Variants in ANKRD28 observed in about 807,000 individuals in gnomAD.
ANKRD28 encodes the protein ankyrin repeat domain 28.
ANKRD28 carries 44 observed loss-of-function variants against 126.5 expected under a neutral mutation model. The observed-to-expected ratio is 0.35, with a 90% CI of 0.27 to 0.45. The LOEUF is 0.45. Ranked by LOEUF, ANKRD28 falls within the 20% of genes least tolerant of loss-of-function variation. ANKRD28 has a pLI of 1.00. For synonymous variants in ANKRD28, 442 were observed against 468.5 expected, an observed-to-expected ratio of 0.94 and a Z score of 0.73; for missense variants, 1,110 against 1,316.6, an observed-to-expected ratio of 0.84 and a Z score of 2.43.
intron 1 of ANKRD28, among the ~76,000 whole-genome samples, chr3:15,828,506 T>C (rs1047808043): frequency 6.6e-6 from 1 of 152,128 alleles, no homozygotes; most frequent in Non-Finnish European, 1.5e-5. Flanking sequence ...ACCATGAAGA[T>C]AAACTGTGGG....
rs531401718 is a variant in ANKRD28 at position 15,743,314 on chromosome 3, C to T, written c.352-6081G>A. Among the ~76,000 whole-genome samples the T allele has an allele frequency of 1.1e-3, 170 of 152,016 alleles. 1 individual carries two copies. Among genetic ancestry groups the T allele is most frequent in the African/African-American group, 3.5e-3 (147 of 41,414 alleles). The stretch of plus-strand genomic sequence containing the variant: ...CTCCACTATTGTCCTATGACCCTGC[C>T]AAATCCCCCTCTGTGAGAAACACCC... On this transcript the variant is annotated intron_variant, in intron 4 of 27. Coordinates refer to ENST00000683139, the MANE Select transcript of ANKRD28 (RefSeq NM_001349278.2).
intron 2 of ANKRD28, among the ~76,000 whole-genome samples, chr3:15,789,887 A>C (rs981190053): frequency 2.6e-5 from 4 of 152,102 alleles, no homozygotes; most frequent in Admixed American, 6.6e-5. Flanking sequence ...CTAAGAAAAA[A>C]AGAGAAGAAG....
chr3:15,767,797 A>T lies in ANKRD28; in HGVS notation c.202-1485T>A, dbSNP rs944185073. ...TGGCTACTTGGGAGGCTGAGGCAGG[A>T]GAATAGCATGAACCCGGGAGGCAGA... On this transcript the variant is annotated intron_variant, in intron 2 of 27. Transcript: ENST00000683139. Among the ~76,000 whole-genome samples the T allele has an allele frequency of 6.2e-5, 9 of 145,052 alleles. No individual in the cohort carries two copies. In the East Asian group the frequency reaches 1.7e-3, roughly 27 times the overall value.
chr3:15,771,409 CA>C (rs35184017), intron 2 of ANKRD28, among the ~76,000 whole-genome samples: 11,786 of 115,004 alleles, frequency 0.1, 1,411 homozygotes, highest in African/African-American at 0.35. Context: ...AACTCTGTCT[CA>C]AAAAAAAAAA....
At chr3:15,859,580 C>A (rs1205440784) in exon 1 of ANKRD28, 4 of 228,738 alleles carry the variant, frequency 1.7e-5, no homozygotes, top group Non-Finnish European at 2.9e-5. Context: ...TCCCCGGCCG[C>A]CCGCCGCCGC....
At position 15,855,997 on chromosome 3, in the gene ANKRD28, T is replaced by C. The variant is rs527997989; in HGVS notation, c.27+3380A>G. Among the ~76,000 whole-genome samples, 65 of 152,328 alleles carry C rather than the reference T, an allele frequency of 4.3e-4. No individual in the cohort carries two copies. In the South Asian group the frequency reaches 0.012, roughly 29 times the overall value. ...GGCTGTTTTATCTAGAAGAAAACTG[T>C]ATTTAACGGGAATCTTATTTTGTAG... is the stretch of plus-strand genomic sequence containing the variant. On this transcript the variant is annotated intron_variant, in intron 1 of 27. Transcript: ENST00000399451.
chr3:15,814,710 T>C lies in ANKRD28; in HGVS notation c.28-19404A>G, dbSNP rs1012034894. Reference sequence around the variant, plus strand: ...ATTCAGTTACTTACTAATCAGCAATTATTTACCCATGGGGACGTGTTGATT... The same window carrying C: ...ATTCAGTTACTTACTAATCAGCAATCATTTACCCATGGGGACGTGTTGATT... On this transcript the variant is annotated intron_variant, in intron 1 of 27. Transcript: ENST00000399451. The surrounding 1 kb of genome is among the most constrained non-coding windows in gnomAD (Gnocchi z 4.7). Among the ~76,000 whole-genome samples, 15 of 152,112 alleles carry C rather than the reference T, an allele frequency of 9.9e-5. No homozygotes were observed. The highest frequency in any genetic ancestry group is 3.6e-4 in the African/African-American group (15 of 41,532).
chr3:15,704,816 T>C (rs1300160257), intron 14 of ANKRD28, among the ~76,000 whole-genome samples: 1 of 152,218 alleles, frequency 6.6e-6, no homozygotes, highest in Admixed American at 6.5e-5. Flanking sequence ...CTGTGGCTTA[T>C]ATTTTCCACT....
chr3:15,772,281 A>C (rs146642857), intron 2 of ANKRD28, among the ~76,000 whole-genome samples: 1 of 152,296 alleles, frequency 6.6e-6, no homozygotes, highest in Non-Finnish European at 1.5e-5. Flanking sequence ...AGATCAATAT[A>C]ATTAGTAATC....
intron 4 of ANKRD28, among the ~76,000 whole-genome samples, chr3:15,739,207 TTAAAG>T (rs755045080): frequency 4.6e-5 from 7 of 152,130 alleles, no homozygotes; most frequent in South Asian, 2.1e-4. Context: ...GATTAAGAGA[TTAAAG>T]TAAAGACAGG....
intron 2 of ANKRD28, among the ~76,000 whole-genome samples, chr3:15,767,824 C>T (rs1042664197): frequency 6.8e-6 from 1 of 146,666 alleles, no homozygotes; most frequent in African/African-American, 2.5e-5. Context: ...GGAGGCAGAG[C>T]TTGCAGTGAG....
chr3:15,741,545 A>G (rs2075473725), intron 4 of ANKRD28, among the ~76,000 whole-genome samples: 1 of 152,138 alleles, frequency 6.6e-6, no homozygotes, highest in Non-Finnish European at 1.5e-5. Context: ...TTAAAAGCTA[A>G]GTAAACATTC....
At position 15,812,584 on chromosome 3, in the gene ANKRD28, T is replaced by C. The variant is rs2060738872; in HGVS notation, c.28-17278A>G. 6.6e-6 allele frequency among the ~76,000 whole-genome samples: 1 copy of C among 152,252 alleles called. No individual in the cohort carries two copies. Among genetic ancestry groups the C allele is most frequent in the South Asian group, 2.1e-4 (1 of 4,834 alleles). ...AATTTTACTATATTAAGTTGGCATT[T>C]CGTTGTTGTTTTTCTGTCTTGCTTA... On this transcript the variant is annotated intron_variant, in intron 1 of 27. Transcript: ENST00000399451. The surrounding 1 kb of genome is among the most constrained non-coding windows in gnomAD (Gnocchi z 4.1).
chr3:15,751,243 A>G (rs1197804364), intron 4 of ANKRD28, among the ~76,000 whole-genome samples: 2 of 152,212 alleles, frequency 1.3e-5, no homozygotes, highest in African/African-American at 4.8e-5. Context: ...AACAATATAC[A>G]AGGCTGTACA....
At chr3:15,837,543 C>T (rs956187488) in intron 1 of ANKRD28, among the ~76,000 whole-genome samples, 4 of 151,934 alleles carry the variant, frequency 2.6e-5, no homozygotes, top group African/African-American at 9.7e-5. Flanking sequence ...CTGTAAATAA[C>T]CAATGGACTA....
chr3:15,835,128 AAAGAGC>A (rs2061294479), intron 1 of ANKRD28, among the ~76,000 whole-genome samples: 1 of 152,214 alleles, frequency 6.6e-6, no homozygotes, highest in Non-Finnish European at 1.5e-5. Flanking sequence ...AGCCTGGGCA[AAAGAGC>A]AAGACTCTGT....
At chr3:15,822,639 G>A (rs2060969598) in intron 1 of ANKRD28, among the ~76,000 whole-genome samples, 1 of 151,676 alleles carries the variant, frequency 6.6e-6, no homozygotes, top group Admixed American at 6.6e-5. Context: ...GAATTTACTA[G>A]ACAAAGACTT....
At chr3:15,713,037 C>A (rs1306769884) in intron 10 of ANKRD28, among the ~76,000 whole-genome samples, 2 of 152,104 alleles carry the variant, frequency 1.3e-5, no homozygotes, top group African/African-American at 4.8e-5. Context: ...CAAAATATTA[C>A]AATGGGAACT....
chr3:15,678,712 AG>A (rs1197703007), intron 23 of ANKRD28, among the ~76,000 whole-genome samples: 4 of 152,230 alleles, frequency 2.6e-5, no homozygotes, highest in Non-Finnish European at 5.9e-5. Flanking sequence ...ATTCCCATTT[AG>A]AAAACTGTTA....
Sources: gnomAD v4.1 joint callset for allele counts (sites outside exome capture counted in the v4.1 genomes callset) on GRCh38, gnomAD v4.1.1 for gene constraint, Gnocchi (gnomAD v3.1) non-coding constraint, MANE v1.5 for transcripts, NCBI Gene and HGNC (gene_info 2026-07-23, HGNC 2026-07-21) for gene names.